ARFGAP2: variants seen among roughly 807,000 people sequenced by gnomAD.
The protein encoded by ARFGAP2 is ARF GTPase activating protein 2, also known as ADP-ribosylation factor GTPase-activating protein 2.
In ARFGAP2, 45 loss-of-function variants were observed where a neutral mutation model predicts 71.9. The observed-to-expected ratio is 0.63, with a 90% CI of 0.49 to 0.80. The LOEUF (loss-of-function observed/expected upper bound fraction) is 0.80, where lower values mean the gene tolerates loss of function less well. Among genes scored for constraint, ARFGAP2 ranks in the 30% least tolerant of loss-of-function variants. The pLI, the probability that ARFGAP2 is intolerant of heterozygous loss-of-function variation, is 0.00. For missense variants in ARFGAP2, 633 were observed against 673.9 expected (o/e 0.94, Z 0.67); for synonymous variants, 248 against 249.2 (o/e 1.00, Z 0.05).
Position 47,173,834 on chromosome 11 carries a change from C to A in ARFGAP2, c.487G>T (p.Ala163Ser). The A allele has an allele frequency of 1.3e-6, 2 of 1,598,362 alleles. No homozygotes were observed. Among genetic ancestry groups the A allele is most frequent in the Non-Finnish European group, 1.7e-6 (2 of 1,172,926 alleles). The part of the protein sequence containing the change: ...DFFTEHTQPP[A>S]WDAPATEPSG... ...GGCTCAGTGGCTGGCGCATCCCAGG[C>A]AGGGGGCTGAAAAGGAGGCCAGATC... The change falls in exon 6 of 16, where the codon GCC (alanine) becomes TCC (serine). Residue 163 changes from alanine to serine, a missense_variant. By Grantham distance (99) the Ala-to-Ser change is moderately conservative (BLOSUM62 1). Coordinates refer to ENST00000524782, the MANE Select transcript of ARFGAP2 (RefSeq NM_032389.6).
rs950689031 is a variant in ARFGAP2, at chr11:47,175,218, C to A, written c.360G>T (p.Gln120His). The A allele has an allele frequency of 3.6e-5, 58 of 1,614,098 alleles. No homozygotes were observed. The Admixed American group carries it at 9.3e-4, about 26-fold the overall frequency. The change falls in exon 4 of 16, where the codon CAG becomes CAT. Residue 120 changes from glutamine (Q) to histidine (H), a missense_variant. Transcript: ENST00000524782. ...AAQMYREKIR[Q>H]LGSAALARHG... ...GCCTAGCCAGGGCCGCACTCCCCAGCTGCCGGATCTTCTCCCGGTACATCT... is the reference window on the plus strand; with the variant it reads ...GCCTAGCCAGGGCCGCACTCCCCAGATGCCGGATCTTCTCCCGGTACATCT...
In ARFGAP2 at chr11:47,176,771, T is replaced by TTGTTGGTTG; in HGVS notation, c.72+10_72+11insCAACCAACA. 6.2e-7 allele frequency: 1 copy of TTGTTGGTTG among 1,614,130 alleles called. No homozygotes were observed. Among genetic ancestry groups the TTGTTGGTTG allele is most frequent in the Non-Finnish European group, 8.5e-7 (1 of 1,180,016 alleles). ...GGGACGAGAGACTCCGCGCGCCCCCTGCTCACGCACCTTGTTGGTTGGAAC... is the reference window on the plus strand; with the variant it reads ...GGGACGAGAGACTCCGCGCGCCCCCTTGTTGGTTGGCTCACGCACCTTGTTGGTTGGAAC... On this transcript the variant is annotated intron_variant, in intron 1 of 15. Coordinates refer to ENST00000524782, the MANE Select transcript of ARFGAP2 (RefSeq NM_032389.6).
rs752343999 is a variant in ARFGAP2 at position 47,172,293 on chromosome 11, T to A, written c.660A>T (p.Ala220=). 11 of 1,614,076 alleles carry A rather than the reference T, an allele frequency of 6.8e-6. No individual in the cohort carries two copies. The East Asian group carries it at 2.5e-4, about 36-fold the overall frequency. The change falls in exon 8 of 16, where the codon GCA becomes GCT. Residue 220 remains alanine (A), a synonymous_variant. Coordinates refer to ENST00000524782, the MANE Select transcript of ARFGAP2 (RefSeq NM_032389.6). ...SSIIGKKKPA[A]AKKGLGAKKG... ...TCTCCCCACCTACCCCTTTCTTAGC[T>A]GCTGCTGGCTTCTTCTTGCCAATGA...
At chr11:47,166,732 G>A (rs376652186) in intron 13 of ARFGAP2, 28 bp downstream of exon 13, 89 of 1,606,716 alleles carry the variant, frequency 5.5e-5, no homozygotes, top group East Asian at 1.1e-4. Flanking sequence ...CTGCTGCCTC[G>A]GACCTCAGGG....
intron 3 of ARFGAP2, 174 bp downstream of exon 3, chr11:47,175,677 A>G: frequency 1.4e-6 from 1 of 727,534 alleles, no homozygotes. Context: ...GGAATCTGAA[A>G]CCCATTTAAG....
chr11:47,173,327 T>C, intron 7 of ARFGAP2, 99 bp downstream of exon 7: 1 of 1,347,984 alleles, frequency 7.4e-7, no homozygotes, highest in Non-Finnish European at 1.0e-6. Context: ...CAGTCTCCTG[T>C]GGCCTCTGTC....
chr11:47,166,816 C>A lies in ARFGAP2; in HGVS notation c.1276G>T (p.Ala426Ser). Residue 426 changes from alanine to serine, a missense_variant, in exon 13 of 16, where the codon GCA becomes TCA. Transcript: ENST00000524782. ...LESSEARQKF[A>S]GAKAISSDMF... The stretch of plus-strand genomic sequence containing the variant: ...TCAGATGAGATGGCTTTGGCTCCTG[C>A]GAATTTCTGACGCGCCTCACTAGAC... 1.9e-6 allele frequency: 3 copies of A among 1,614,106 alleles called. No homozygotes were observed. The highest frequency in any genetic ancestry group is 2.5e-6 in the Non-Finnish European group (3 of 1,180,038).
chr11:47,170,538 T>C (rs767748594), intron 10 of ARFGAP2, among the ~76,000 whole-genome samples: 1 of 151,932 alleles, frequency 6.6e-6, no homozygotes, highest in Non-Finnish European at 1.5e-5. Context: ...TCCCAGCTGC[T>C]TGGGAGGCTG....
At chr11:47,175,440 C>T in intron 3 of ARFGAP2, 127 bp from the exon 4 acceptor site, 5 of 1,422,340 alleles carry the variant, frequency 3.5e-6, no homozygotes, top group Non-Finnish European at 4.9e-6. Flanking sequence ...ACGCTACTGA[C>T]ACCGGTTTTT....
intron 10 of ARFGAP2, among the ~76,000 whole-genome samples, chr11:47,170,060 C>G (rs1403708341): frequency 6.6e-6 from 1 of 152,188 alleles, no homozygotes; most frequent in African/African-American, 2.4e-5. Flanking sequence ...CGCCGTGGCT[C>G]ACACCGGTAA....
intron 15 of ARFGAP2, 91 bp from the exon 16 acceptor site, chr11:47,165,593 C>T (rs139509226): frequency 7.6e-5 from 105 of 1,374,750 alleles, no homozygotes; most frequent in Middle Eastern, 2.4e-4. Context: ...CCCCAGCACC[C>T]CACAGCAAGA....
At position 47,165,521 on chromosome 11, in the gene ARFGAP2, A is replaced by C. The variant is rs200684004; in HGVS notation, c.1546-19T>G. 1 of 125,046 alleles carries C rather than the reference A, an allele frequency of 8.0e-6. No homozygotes were observed. Among genetic ancestry groups the C allele is most frequent in the African/African-American group, 1.0e-4 (1 of 9,834 alleles). The allele number at this position is 125,046 out of a possible 1,614,324, so 7.7% of individuals were successfully genotyped here. On this transcript the variant is annotated intron_variant, in intron 15 of 15. Coordinates refer to ENST00000524782, the MANE Select transcript of ARFGAP2 (RefSeq NM_032389.6). ...AGCGATCCTGGGGGCGAGGGGGGAG[A>C]AAAAAAAAAAAAAAGTCAGAGGCTC...
Position 47,173,852 on chromosome 11 carries a change from GC to G in ARFGAP2, c.481-13del, listed in dbSNP as rs1187827657. 11 of 1,590,856 alleles carry G rather than the reference GC, an allele frequency of 6.9e-6. No individual in the cohort carries two copies. The highest frequency in any genetic ancestry group is 7.7e-6 in the Non-Finnish European group (9 of 1,169,086). On this transcript the variant is annotated splice_polypyrimidine_tract_variant and intron_variant, in intron 5 of 15. Transcript: ENST00000524782. ...TCCCAGGCAGGGGGCTGAAAAGGAG[GC>G]CAGATCACAGATGCCTCGGTGAGCC...
chr11:47,170,354 GAAAA>G (rs1952551749), intron 10 of ARFGAP2, among the ~76,000 whole-genome samples: 2 of 137,542 alleles, frequency 1.5e-5, no homozygotes, highest in East Asian at 2.2e-4. Context: ...GAAAAGAAAA[GAAAA>G]AAGAAAGCCG....
At position 47,165,517 on chromosome 11, in the gene ARFGAP2, GGA is replaced by G. The variant is rs1491241138; in HGVS notation, c.1546-17_1546-16del. 2.6e-6 allele frequency: 4 copies of G among 1,518,252 alleles called. No individual in the cohort carries two copies. Among genetic ancestry groups the G allele is most frequent in the Admixed American group, 2.1e-5 (1 of 47,340 alleles). 94.0% of individuals were successfully genotyped at this position (1,518,252 alleles called of 1,614,324 possible). On this transcript the variant is annotated splice_polypyrimidine_tract_variant and intron_variant, in intron 15 of 15. Coordinates refer to ENST00000524782, the MANE Select transcript of ARFGAP2 (RefSeq NM_032389.6). Reference sequence around the variant, plus strand: ...CCGTAGCGATCCTGGGGGCGAGGGGGGAGAAAAAAAAAAAAAAAGTCAGAGGC... The same window carrying G: ...CCGTAGCGATCCTGGGGGCGAGGGGGGAAAAAAAAAAAAAAAGTCAGAGGC...
chr11:47,175,750 A>T, intron 3 of ARFGAP2, 101 bp downstream of exon 3: 1 of 1,340,172 alleles, frequency 7.5e-7, no homozygotes, highest in Non-Finnish European at 1.1e-6. Context: ...TAGAACAGAG[A>T]ACCCTCTGAA....
Position 47,173,488 on chromosome 11 carries a change from G to C in ARFGAP2, c.563-6C>G, listed in dbSNP as rs1391763261. ...GTTGGGGCCATGCTCCGGCTCTGTG[G>C]ATGCAATGGTAGGAGTTAGAGATGA... is the stretch of plus-strand genomic sequence containing the variant. On this transcript the variant is annotated splice_region_variant and splice_polypyrimidine_tract_variant and intron_variant, in intron 6 of 15. Coordinates refer to ENST00000524782, the MANE Select transcript of ARFGAP2 (RefSeq NM_032389.6). 6.4e-7 allele frequency: 1 copy of C among 1,554,474 alleles called. No individual in the cohort carries two copies. Among genetic ancestry groups the C allele is most frequent in the African/African-American group, 1.4e-5 (1 of 73,370 alleles).
At position 47,166,787 on chromosome 11, in the gene ARFGAP2, C is replaced by T. The variant is rs901864684; in HGVS notation, c.1305G>A (p.Met435Ile). 6.2e-7 allele frequency: 1 copy of T among 1,613,932 alleles called. No individual in the cohort carries two copies. The highest frequency in any genetic ancestry group is 8.5e-7 in the Non-Finnish European group (1 of 1,180,006). The change falls in exon 13 of 16, where the codon ATG becomes ATA. Residue 435 changes from methionine to isoleucine, a missense_variant. Physicochemically the swap from Met to Ile is conservative, Grantham distance 10 (BLOSUM62 1). Transcript: ENST00000524782. ...FAGAKAISSD[M>I]FFGREVDAEY... is the part of the protein sequence containing the mutation. ...CTGCATCCACCTCCCGCCCAAAGAACATGTCAGATGAGATGGCTTTGGCTC... is the reference window on the plus strand; with the variant it reads ...CTGCATCCACCTCCCGCCCAAAGAATATGTCAGATGAGATGGCTTTGGCTC...
rs888741559 is a variant in ARFGAP2, at chr11:47,171,737, G to A, written c.736C>T (p.Arg246Trp). The change falls in exon 9 of 16, where the codon CGG (arginine) becomes TGG (tryptophan). Residue 246 changes from arginine (R) to tryptophan (W), a missense_variant. Arg to Trp is a moderately radical substitution (Grantham distance 101). Coordinates refer to ENST00000524782, the MANE Select transcript of ARFGAP2 (RefSeq NM_032389.6). ...AGCTTCTCTGCCACCTGAGCCTGCC[G>A]CTCAATCTCACTGAAGCTCTGGCTG... ...VSSQSFSEIE[R>W]QAQVAEKLRE... The A allele has an allele frequency of 2.5e-6, 4 of 1,613,794 alleles. No homozygotes were observed. The highest frequency in any genetic ancestry group is 1.3e-5 in the African/African-American group (1 of 74,928).
Sources: allele counts gnomAD v4.1 joint callset (sites outside exome capture counted in the v4.1 genomes callset), GRCh38; gene constraint gnomAD v4.1.1; transcripts MANE v1.5; gene names NCBI Gene and HGNC (gene_info 2026-07-23, HGNC 2026-07-21).